The following PCDHA5 variants were observed in gnomAD, a reference collection of about 807,000 sequenced individuals.
The protein encoded by PCDHA5 is protocadherin alpha 5.
In PCDHA5, 43 loss-of-function variants were observed where a neutral mutation model predicts 61.6. That is an observed-to-expected ratio of 0.70 (90% CI 0.55 to 0.90). The LOEUF is 0.90. PCDHA5 is among the 40% of genes least tolerant of loss of function. The pLI is 0.00. For missense variants in PCDHA5, 1,298 were observed against 1,222.7 expected (o/e 1.06, Z -0.92); for synonymous variants, 627 against 543.9 (o/e 1.15, Z -2.13).
chr5:140,828,141 C>G lies in PCDHA5; in HGVS notation c.2352+4014C>G, dbSNP rs2150151318. 1.2e-6 allele frequency: 2 copies of G among 1,613,956 alleles called. No homozygotes were observed. The highest frequency in any genetic ancestry group is 1.1e-5 in the South Asian group (1 of 91,042). On this transcript the variant is annotated intron_variant, in intron 1 of 3. Transcript: ENST00000529859. The stretch of plus-strand genomic sequence containing the variant: ...TTGGGAAAGCAATGTCTGCTCCTCC[C>G]GCTTCTGCTCCTCGCAGCCTGGAAG...
intron 1 of PCDHA5, among the ~76,000 whole-genome samples, chr5:140,958,935 G>A (rs1439446773): frequency 9.3e-6 from 1 of 107,572 alleles, no homozygotes; most frequent in African/African-American, 4.3e-5. Flanking sequence ...GCTCATACTT[G>A]TAATAATATT....
chr5:140,877,797 C>T, intron 1 of PCDHA5: 1 of 1,613,630 alleles, frequency 6.2e-7, no homozygotes. Flanking sequence ...TCAGCCCAAG[C>T]CTTCAGCTGT....
intron 3 of PCDHA5, among the ~76,000 whole-genome samples, chr5:140,997,698 ATGTT>A (rs1297045627): frequency 1.4e-5 from 2 of 145,558 alleles, no homozygotes; most frequent in African/African-American, 5.1e-5. Flanking sequence ...GTGTGTGTGT[ATGTT>A]AACAAACACC....
chr5:140,856,112 G>A (rs782115498), intron 1 of PCDHA5: 1 of 1,598,078 alleles, frequency 6.3e-7, no homozygotes, highest in African/African-American at 1.3e-5. Flanking sequence ...TCTCCTCGCA[G>A]CCTGGGAGGT....
At chr5:140,845,370 T>G (rs1032525596) in intron 1 of PCDHA5, among the ~76,000 whole-genome samples, 1 of 149,690 alleles carries the variant, frequency 6.7e-6, no homozygotes, top group African/African-American at 2.4e-5. Flanking sequence ...CAAAATATCA[T>G]AAATAGGAGG....
At chr5:140,933,928 T>G (rs1055877190) in intron 1 of PCDHA5, among the ~76,000 whole-genome samples, 1 of 152,080 alleles carries the variant, frequency 6.6e-6, no homozygotes, top group Non-Finnish European at 1.5e-5. Flanking sequence ...TGTCCTGTTG[T>G]GACTTTTTTT....
At chr5:140,977,284 G>T (rs1377580391) in intron 1 of PCDHA5, among the ~76,000 whole-genome samples, 1 of 152,210 alleles carries the variant, frequency 6.6e-6, no homozygotes, top group Admixed American at 6.5e-5. Flanking sequence ...TCAAAGGAAG[G>T]TTCTCTCAGC....
chr5:140,919,201 A>AT (rs1328020690), intron 1 of PCDHA5, among the ~76,000 whole-genome samples: 1 of 152,202 alleles, frequency 6.6e-6, no homozygotes. Flanking sequence ...TTTTGTCATT[A>AT]TAAAATGTCC....
intron 1 of PCDHA5, chr5:140,836,620 G>A (rs782384217): frequency 5.6e-6 from 9 of 1,613,468 alleles, no homozygotes; most frequent in Non-Finnish European, 7.6e-6. Flanking sequence ...AGCGCGGTGG[G>A]GAGCTGGTCA....
intron 1 of PCDHA5, chr5:140,875,349 C>G: frequency 6.9e-7 from 1 of 1,444,894 alleles, no homozygotes; most frequent in Non-Finnish European, 9.1e-7. Flanking sequence ...TCCATAATGA[C>G]TGTGATGCTG....
intron 3 of PCDHA5, among the ~76,000 whole-genome samples, chr5:141,002,246 C>T (rs1217451636): frequency 6.6e-6 from 1 of 152,190 alleles, no homozygotes; most frequent in Non-Finnish European, 1.5e-5. Flanking sequence ...CTTTATTAAC[C>T]TCAGCACTGA....
intron 1 of PCDHA5, among the ~76,000 whole-genome samples, chr5:140,937,927 A>T (rs1376744977): frequency 1.3e-5 from 2 of 149,332 alleles, no homozygotes; most frequent in East Asian, 2.0e-4. Context: ...AAAAAAAAAA[A>T]GTTTAATTTG....
intron 1 of PCDHA5, chr5:140,857,440 G>A (rs2044596243): frequency 6.3e-7 from 1 of 1,598,588 alleles, no homozygotes; most frequent in Non-Finnish European, 8.6e-7. Context: ...TGTTCGTGAA[G>A]GAGAACAACC....
At chr5:140,884,665 A>G (rs1554181817) in intron 1 of PCDHA5, 9 of 1,578,032 alleles carry the variant, frequency 5.7e-6, no homozygotes, top group Non-Finnish European at 7.7e-6. Context: ...TGAAAGAGGT[A>G]AGCTTATATT....
At chr5:140,861,509 G>A (rs2046952597) in intron 1 of PCDHA5, 1 of 479,912 alleles carries the variant, frequency 2.1e-6, no homozygotes, top group Non-Finnish European at 4.3e-6. Context: ...ACCTCGAGGA[G>A]CTGTGTGGGA....
chr5:140,877,233 G>A (rs1554169499), intron 1 of PCDHA5: 2 of 1,613,676 alleles, frequency 1.2e-6, no homozygotes, highest in Non-Finnish European at 8.5e-7. Flanking sequence ...CGGTGGGTGC[G>A]GGCCACGTGG....
At chr5:140,896,226 T>C (rs1554186874) in intron 1 of PCDHA5, among the ~76,000 whole-genome samples, 1 of 152,242 alleles carries the variant, frequency 6.6e-6, no homozygotes, top group Non-Finnish European at 1.5e-5. Flanking sequence ...GTCTTTATAG[T>C]AGAATGACTT....
At chr5:140,957,549 C>G (rs563057107) in intron 1 of PCDHA5, among the ~76,000 whole-genome samples, 1 of 152,156 alleles carries the variant, frequency 6.6e-6, no homozygotes, top group South Asian at 2.1e-4. Context: ...AAAGTATTCT[C>G]TGTGGAAAAG....
chr5:140,966,990 G>A, intron 1 of PCDHA5: 1 of 1,604,280 alleles, frequency 6.2e-7, no homozygotes, highest in Non-Finnish European at 8.5e-7. Context: ...TTGGGGCCGG[G>A]TTGCTTGCGC....
Sources: gnomAD v4.1 joint callset for allele counts (sites outside exome capture counted in the v4.1 genomes callset) on GRCh38, gnomAD v4.1.1 for gene constraint, MANE v1.5 for transcripts, NCBI Gene and HGNC (gene_info 2026-07-23, HGNC 2026-07-21) for gene names.